The following TEX15 variants were observed in gnomAD, a reference collection of about 807,000 sequenced individuals.
TEX15 encodes the protein testis-expressed protein 15.
A neutral mutation model predicts 237.3 loss-of-function variants in TEX15; 171 were observed. The ratio of observed to expected loss-of-function variants is 0.72; its 90% confidence interval spans 0.64 to 0.82. The LOEUF is 0.82. TEX15 is among the 40% of genes least tolerant of loss of function. The pLI is 0.00. For synonymous variants in TEX15, 1,338 were observed against 1,269.8 expected, an observed-to-expected ratio of 1.05 and a Z score of -1.14; for missense variants, 3,750 against 3,646.5, an observed-to-expected ratio of 1.03 and a Z score of -0.73.
At chr8:30,892,473 A>G (rs1178729398) in intron 2 of TEX15, among the ~76,000 whole-genome samples, 2 of 152,132 alleles carry the variant, frequency 1.3e-5, no homozygotes, top group Non-Finnish European at 2.9e-5. Flanking sequence ...ATTTTAAATT[A>G]GGCCTATCTA....
At chr8:30,890,287 T>C (rs557939689) in intron 2 of TEX15, among the ~76,000 whole-genome samples, 115 of 152,096 alleles carry the variant, frequency 7.6e-4, no homozygotes, top group African/African-American at 2.1e-3. Flanking sequence ...ATTTAGATAT[T>C]AGACAAAATA....
At chr8:30,885,400 G>T (rs567842648) in intron 3 of TEX15, among the ~76,000 whole-genome samples, 1 of 152,196 alleles carries the variant, frequency 6.6e-6, no homozygotes, top group African/African-American at 2.4e-5. Flanking sequence ...CTCTCTCTTT[G>T]CCTGCTGCCA....
chr8:30,876,215 T>C (rs1808398181), intron 3 of TEX15, among the ~76,000 whole-genome samples: 1 of 152,220 alleles, frequency 6.6e-6, no homozygotes, highest in Admixed American at 6.5e-5. Context: ...TGAAAACTTG[T>C]TCTTCCATTT....
chr8:30,835,259 C>T (rs1337581867), intron 10 of TEX15, among the ~76,000 whole-genome samples: 1 of 152,054 alleles, frequency 6.6e-6, no homozygotes, highest in African/African-American at 2.4e-5. Context: ...TGTGTACTAC[C>T]ACTCCCAGCT....
At position 30,837,611 on chromosome 8, in the gene TEX15, C is replaced by T. The variant is rs753887605; in HGVS notation, c.8673G>A (p.Ala2891=). Residue 2891 remains alanine, a synonymous_variant, in exon 10 of 11, where the codon GCG becomes GCA. Transcript: ENST00000643185. ...AGAAAATTGGCTTTGAGAGCACCGA[C>T]GCATCAGGCACAAGAGAAACATCAG... ...PETDVSLVPD[A]SVLSKPIFCF... The T allele has an allele frequency of 1.1e-5, 18 of 1,613,924 alleles. 1 individual carries two copies. Among genetic ancestry groups the T allele is most frequent in the South Asian group, 5.5e-5 (5 of 91,080 alleles).
chr8:30,837,539 G>A lies in TEX15; in HGVS notation c.8745C>T (p.Val2915=). The part of the protein sequence containing the change: ...VHPDLEMNDT[V]FELQDNDIVN... ...CTATATCATTATCTTGAAGTTCAAA[G>A]ACTGTGTCATTCATTTCTAGATCAG... Residue 2915 remains valine, a synonymous_variant, in exon 10 of 11, where the codon GTC becomes GTT. Coordinates refer to ENST00000643185, the MANE Select transcript of TEX15 (RefSeq NM_001350162.2). The A allele has an allele frequency of 6.2e-7, 1 of 1,613,864 alleles. No homozygotes were observed. Among genetic ancestry groups the A allele is most frequent in the African/African-American group, 1.3e-5 (1 of 75,050 alleles).
At chr8:30,873,042 T>C (rs1808325200) in intron 4 of TEX15, among the ~76,000 whole-genome samples, 1 of 152,162 alleles carries the variant, frequency 6.6e-6, no homozygotes, top group South Asian at 2.1e-4. Context: ...GTTTGTGTAA[T>C]TCCACTCTAC....
rs1409388490 is a variant in TEX15 at position 30,860,029 on chromosome 8, T to A, written c.569A>T (p.Gln190Leu). The change falls in exon 6 of 11, where the codon CAA becomes CTA. Residue 190 changes from glutamine (Q) to leucine (L), a missense_variant. Gln to Leu is a moderately radical substitution (Grantham distance 113). Coordinates refer to ENST00000643185, the MANE Select transcript of TEX15 (RefSeq NM_001350162.2). ...AACTTTATTTTTATCCACAGAAGGT[T>A]GGATTTTCTTCACTTTTCCAAAGAG... ...KVLFGKVKKI[Q>L]PSVDKNKVSL... 2.0e-6 allele frequency: 3 copies of A among 1,487,906 alleles called. No homozygotes were observed. The African/African-American group carries it at 4.3e-5, about 21-fold the overall frequency. 92.2% of individuals were successfully genotyped at this position (1,487,906 alleles called of 1,614,324 possible). A position where few individuals can be genotyped will look rare whatever the true frequency, so the allele number is the denominator to read the frequency against.
chr8:30,853,365 G>T (rs1279105698), intron 7 of TEX15, among the ~76,000 whole-genome samples: 2 of 152,116 alleles, frequency 1.3e-5, no homozygotes, highest in African/African-American at 2.4e-5. Flanking sequence ...ACCCTGCCTG[G>T]CAACAGCAGA....
At chr8:30,892,950 G>A (rs1204154361) in intron 2 of TEX15, among the ~76,000 whole-genome samples, 5 of 151,098 alleles carry the variant, frequency 3.3e-5, no homozygotes, top group African/African-American at 9.7e-5. Context: ...GGAGAACAGC[G>A]TGAACCCGGG....
Position 30,848,449 on chromosome 8 carries a change from G to C in TEX15, c.1718C>G (p.Thr573Arg), listed in dbSNP as rs764187809. Residue 573 changes from threonine to arginine, a missense_variant, in exon 8 of 11, where the codon ACA becomes AGA. Transcript: ENST00000643185. ...RAQQESGNAYTKEYSSHIFQD... is the reference protein window; with the variant it reads ...RAQQESGNAYRKEYSSHIFQD... ...AAAAATGTGACTACTGTACTCTTTT[G>C]TATAAGCATTACCGGACTCCTGTTG... 1 of 1,614,126 alleles carries C rather than the reference G, an allele frequency of 6.2e-7. No homozygotes were observed. The highest frequency in any genetic ancestry group is 1.1e-5 in the South Asian group (1 of 91,088).
In TEX15 at chr8:30,858,859, T is replaced by A. The variant is rs916736992; in HGVS notation, c.688-29A>T. On this transcript the variant is annotated intron_variant, in intron 6 of 10. Coordinates refer to ENST00000643185, the MANE Select transcript of TEX15 (RefSeq NM_001350162.2). ...AAAGATGAAAACAGGTTCATGCTGA[T>A]TAATTTTGGCAATCAGAGTTGAATA... is the stretch of plus-strand genomic sequence containing the variant. 4 of 1,468,474 alleles carry A rather than the reference T, an allele frequency of 2.7e-6. No individual in the cohort carries two copies. In the African/African-American group the frequency reaches 5.8e-5, roughly 21 times the overall value. The allele number at this position is 1,468,474 out of a possible 1,614,324, so 91.0% of individuals were successfully genotyped here.
At position 30,847,502 on chromosome 8, in the gene TEX15, C is replaced by T. The variant is rs760848851; in HGVS notation, c.2665G>A (p.Asp889Asn). 1 of 1,613,432 alleles carries T rather than the reference C, an allele frequency of 6.2e-7. No individual in the cohort carries two copies. The highest frequency in any genetic ancestry group is 8.5e-7 in the Non-Finnish European group (1 of 1,179,850). ...CTGAAATTTTCGTTTGTATGAGAAT[C>T]CTGCTTTTTGTCTCCATATATGTTC... is the stretch of plus-strand genomic sequence containing the variant. Reference protein sequence around the residue: ...IENIYGDKKQDSHTNENFSNI... With the variant: ...IENIYGDKKQNSHTNENFSNI... Residue 889 changes from aspartate (D) to asparagine (N), a missense_variant, in exon 8 of 11, where the codon GAT (aspartate) becomes AAT (asparagine). Asp to Asn is a conservative substitution (Grantham distance 23). Coordinates refer to ENST00000643185, the MANE Select transcript of TEX15 (RefSeq NM_001350162.2).
At position 30,843,435 on chromosome 8, in the gene TEX15, C is replaced by G; in HGVS notation, c.6732G>C (p.Met2244Ile). ...TAATAAAATTAACCTTTGAGGAGAT[C>G]ATTTCTATGATAATCCACAGATGGT... ...KQDHLWIIIE[M>I]ISSKVNFIKN... Residue 2244 changes from methionine to isoleucine, a missense_variant, in exon 8 of 11, where the codon ATG (methionine) becomes ATC (isoleucine). Met to Ile is a conservative substitution (Grantham distance 10). Transcript: ENST00000643185. The G allele has an allele frequency of 6.2e-7, 1 of 1,613,090 alleles. No homozygotes were observed. The highest frequency in any genetic ancestry group is 2.2e-5 in the East Asian group (1 of 44,850).
chr8:30,892,534 C>T (rs189757362), intron 2 of TEX15, among the ~76,000 whole-genome samples: 9 of 152,234 alleles, frequency 5.9e-5, no homozygotes, highest in South Asian at 2.1e-4. Flanking sequence ...ACCCAGTGAT[C>T]GATCTTAAGA....
chr8:30,910,775 T>C (rs572113573), intron 1 of TEX15, among the ~76,000 whole-genome samples: 3 of 151,940 alleles, frequency 2.0e-5, no homozygotes, highest in Admixed American at 1.3e-4. Context: ...AAAGAAAACA[T>C]ACATGGGTTT....
Position 30,896,771 on chromosome 8 carries a change from A to G in TEX15, c.-10+1971T>C, listed in dbSNP as rs550040271. Among the ~76,000 whole-genome samples the G allele has an allele frequency of 2.6e-5, 4 of 151,910 alleles. No homozygotes were observed. The South Asian group carries it at 8.3e-4, about 31-fold the overall frequency. ...CCTTAAAAATTTATAGTAAAACTGT[A>G]GTAATTTATTTGGGGAGAATAAAAT... On this transcript the variant is annotated intron_variant, in intron 2 of 10. Transcript: ENST00000643185.
intron 3 of TEX15, among the ~76,000 whole-genome samples, chr8:30,884,002 C>G (rs1466221384): frequency 1.3e-5 from 2 of 152,162 alleles, no homozygotes; most frequent in African/African-American, 4.8e-5. Context: ...CCTCCCACCT[C>G]AGCTTCCCAA....
intron 5 of TEX15, among the ~76,000 whole-genome samples, chr8:30,860,576 T>C (rs1220393948): frequency 6.7e-6 from 1 of 150,252 alleles, no homozygotes; most frequent in Non-Finnish European, 1.5e-5. Context: ...TTTTTTTTTT[T>C]TTTTTTGAGA....
Sources: gnomAD v4.1 joint callset for allele counts (sites outside exome capture counted in the v4.1 genomes callset) on GRCh38, gnomAD v4.1.1 for gene constraint, MANE v1.5 for transcripts, NCBI Gene and HGNC (gene_info 2026-07-23, HGNC 2026-07-21) for gene names.